The following VPS13C variants were observed in gnomAD, a reference collection of about 807,000 sequenced individuals.
VPS13C encodes the protein intermembrane lipid transfer protein VPS13C.
A neutral mutation model predicts 456.8 loss-of-function variants in VPS13C; 358 were observed. That is an observed-to-expected ratio of 0.78 (90% confidence interval 0.72 to 0.86). The LOEUF is 0.86. Ranked by LOEUF, VPS13C falls within the 40% of genes least tolerant of loss-of-function variation. VPS13C has a pLI of 0.00. For missense variants in VPS13C, 4,818 were observed against 4,385.4 expected, an observed-to-expected ratio of 1.10 and a Z score of -2.79; for synonymous variants, 1,578 against 1,486.7, an observed-to-expected ratio of 1.06 and a Z score of -1.41.
chr15:61,940,613 A>G, intron 47 of VPS13C, 34 bp downstream of exon 47: 3 of 1,584,308 alleles, frequency 1.9e-6, no homozygotes, highest in Admixed American at 1.8e-5. Flanking sequence ...AAGCCTATCA[A>G]GAAATTTTCA....
At chr15:61,866,841 A>T in intron 81 of VPS13C, 1 of 974,710 alleles carries the variant, frequency 1.0e-6, no homozygotes, top group African/African-American at 1.8e-5. Flanking sequence ...ACATAATCCA[A>T]CTGAACAATT....
chr15:61,896,287 A>C (rs913246847), intron 66 of VPS13C, among the ~76,000 whole-genome samples: 5 of 152,230 alleles, frequency 3.3e-5, no homozygotes, highest in African/African-American at 1.2e-4. Context: ...TCTACAGCTC[A>C]CAGCGTGAGC....
At chr15:62,033,208 T>C (rs1470587284) in intron 5 of VPS13C, among the ~76,000 whole-genome samples, 1 of 151,372 alleles carries the variant, frequency 6.6e-6, no homozygotes, top group Non-Finnish European at 1.5e-5. Flanking sequence ...AAATGACTAA[T>C]TAAGAAAAGT....
At chr15:61,883,859 A>T (rs1161108165) in intron 68 of VPS13C, among the ~76,000 whole-genome samples, 1 of 152,018 alleles carries the variant, frequency 6.6e-6, no homozygotes, top group Non-Finnish European at 1.5e-5. Context: ...TTGTAAATAA[A>T]ATTATAAAAA....
At chr15:61,956,255 C>T (rs1266591709) in intron 37 of VPS13C, among the ~76,000 whole-genome samples, 5 of 150,176 alleles carry the variant, frequency 3.3e-5, no homozygotes, top group South Asian at 2.1e-4. Flanking sequence ...TGTTCTCACT[C>T]GTAAGTGGGA....
At chr15:61,991,530 T>C in intron 17 of VPS13C, 143 bp downstream of exon 17, 1 of 799,168 alleles carries the variant, frequency 1.3e-6, no homozygotes, top group Non-Finnish European at 1.8e-6. Context: ...TATTCCAGCC[T>C]GATGTATTTG....
intron 79 of VPS13C, among the ~76,000 whole-genome samples, chr15:61,871,447 A>G (rs1262802702): frequency 6.6e-6 from 1 of 152,164 alleles, no homozygotes; most frequent in Non-Finnish European, 1.5e-5. Flanking sequence ...ATTTCTGAAT[A>G]GTATCCCACT....
At chr15:62,051,710 G>A (rs370754962) in intron 1 of VPS13C, among the ~76,000 whole-genome samples, 1 of 152,118 alleles carries the variant, frequency 6.6e-6, no homozygotes, top group African/African-American at 2.4e-5. Context: ...AAACAAAAAG[G>A]ATAACTAAAA....
At chr15:61,911,732 C>T (rs545467240) in intron 63 of VPS13C, 108 bp downstream of exon 63, 1 of 1,102,100 alleles carries the variant, frequency 9.1e-7, no homozygotes, top group South Asian at 3.0e-5. Context: ...TGTCATATTT[C>T]AACACATAAA....
chr15:61,933,804 T>C (rs1164705191), intron 49 of VPS13C, among the ~76,000 whole-genome samples: 1 of 152,188 alleles, frequency 6.6e-6, no homozygotes, highest in Non-Finnish European at 1.5e-5. Context: ...AATGCTTATA[T>C]ACCAAGGATA....
Position 61,867,428 on chromosome 15 carries a change from T to G in VPS13C, c.10863+1231A>C, listed in dbSNP as rs985651881. The G allele has an allele frequency of 9.1e-6, 9 of 986,368 alleles. No individual in the cohort carries two copies. The highest frequency in any genetic ancestry group is 1.1e-5 in the Non-Finnish European group (9 of 830,650). The allele number at this position is 986,368 out of a possible 1,614,324, so 61.1% of individuals were successfully genotyped here. A position where few individuals can be genotyped will look rare whatever the true frequency, so the allele number is the denominator to read the frequency against. On this transcript the variant is annotated intron_variant, in intron 81 of 84. Transcript: ENST00000644861. The surrounding 1 kb of genome is among the most constrained non-coding windows in gnomAD (Gnocchi z 5.0). ...AGGGCAGGCTCAGAGCAACTGACAATTCAATTATTAAAGCAGATGCTCCAG... is the reference window on the plus strand; with the variant it reads ...AGGGCAGGCTCAGAGCAACTGACAAGTCAATTATTAAAGCAGATGCTCCAG...
intron 79 of VPS13C, among the ~76,000 whole-genome samples, chr15:61,870,659 C>G (rs886519710): frequency 2.6e-5 from 4 of 152,154 alleles, no homozygotes; most frequent in Non-Finnish European, 4.4e-5. Flanking sequence ...AGTAGAATTG[C>G]TGGGACACAT....
Position 62,040,385 on chromosome 15 carries a change from A to G in VPS13C, c.187+939T>C, listed in dbSNP as rs28462212. On this transcript the variant is annotated intron_variant, in intron 3 of 84. Coordinates refer to ENST00000644861, the MANE Select transcript of VPS13C (RefSeq NM_020821.3). Reference sequence around the variant, plus strand: ...TTTGTAACACAAAGAAAGGATAAATACTTTGAGGTGATAGAAACCTCATTT... The same window carrying G: ...TTTGTAACACAAAGAAAGGATAAATGCTTTGAGGTGATAGAAACCTCATTT... 1.7e-3 allele frequency among the ~76,000 whole-genome samples: 262 copies of G among 152,308 alleles called. 1 individual carries two copies. Among genetic ancestry groups the G allele is most frequent in the African/African-American group, 6.0e-3 (250 of 41,586 alleles).
At chr15:61,930,478 G>A (rs1159755422) in intron 50 of VPS13C, among the ~76,000 whole-genome samples, 2 of 152,040 alleles carry the variant, frequency 1.3e-5, no homozygotes, top group Non-Finnish European at 2.9e-5. Context: ...CAAGTTTAAG[G>A]AGCAACACAG....
chr15:62,038,223 A>G (rs1364364943), intron 3 of VPS13C, among the ~76,000 whole-genome samples: 1 of 152,194 alleles, frequency 6.6e-6, no homozygotes, highest in Non-Finnish European at 1.5e-5. Flanking sequence ...ACATCAGCCT[A>G]GGCAAAGAAT....
rs1241296006 is a variant in VPS13C, at chr15:61,941,973, G to A, written c.5243C>T (p.Ala1748Val). 2 of 1,613,902 alleles carry A rather than the reference G, an allele frequency of 1.2e-6. No individual in the cohort carries two copies. Among genetic ancestry groups the A allele is most frequent in the Non-Finnish European group, 1.7e-6 (2 of 1,179,926 alleles). The change falls in exon 46 of 85, where the codon GCT (alanine) becomes GTT (valine). Residue 1748 changes from alanine to valine, a missense_variant. Physicochemically the swap from Ala to Val is moderately conservative, Grantham distance 64. This residue lies in a region of VPS13C where 4,552 missense variants were observed against 4,130.6 expected (regional missense o/e 1.10). Coordinates refer to ENST00000644861, the MANE Select transcript of VPS13C (RefSeq NM_020821.3). ...ERAASSMKDLAQKSFRLLMDI... is the reference protein window; with the variant it reads ...ERAASSMKDLVQKSFRLLMDI... Reference sequence around the variant, plus strand: ...CATCAAAAGGCGGAAACTCTTTTGAGCCAAGTCTTTCATGCTGGAAGCAGC... The same window carrying A: ...CATCAAAAGGCGGAAACTCTTTTGAACCAAGTCTTTCATGCTGGAAGCAGC...
At chr15:62,032,130 A>T (rs973184179) in intron 5 of VPS13C, among the ~76,000 whole-genome samples, 2 of 151,858 alleles carry the variant, frequency 1.3e-5, no homozygotes, top group African/African-American at 4.8e-5. Context: ...TGATGAATAT[A>T]CATATGTTAA....
Position 61,947,214 on chromosome 15 carries a change from T to C in VPS13C, c.4855A>G (p.Ile1619Val), listed in dbSNP as rs775748051. 4 of 1,596,982 alleles carry C rather than the reference T, an allele frequency of 2.5e-6. No individual in the cohort carries two copies. The highest frequency in any genetic ancestry group is 1.8e-5 in the Admixed American group (1 of 56,978). Residue 1619 changes from isoleucine to valine, a missense_variant, in exon 43 of 85, where the codon ATT (isoleucine) becomes GTT (valine). Physicochemically the swap from Ile to Val is conservative, Grantham distance 29. Around this residue, in one of 3 missense-constraint regions of VPS13C, gnomAD observed 4,552 missense variants for 4,130.6 expected, o/e 1.10. Transcript: ENST00000644861. Reference sequence around the variant, plus strand: ...TTACCATGTATTTTAATATCTGCAATGTTACACTTCTGATCACAGACAAAG... The same window carrying C: ...TTACCATGTATTTTAATATCTGCAACGTTACACTTCTGATCACAGACAAAG... ...NVFVCDQKCNIADIKIHGMDA... is the reference protein window; with the variant it reads ...NVFVCDQKCNVADIKIHGMDA...
chr15:62,009,619 A>T (rs2046975248), intron 13 of VPS13C, among the ~76,000 whole-genome samples: 1 of 152,170 alleles, frequency 6.6e-6, no homozygotes, highest in African/African-American at 2.4e-5. Flanking sequence ...TTCTTTTTAC[A>T]TTGTTAACAC....
Sources: allele counts gnomAD v4.1 joint callset (sites outside exome capture counted in the v4.1 genomes callset), GRCh38; gene constraint gnomAD v4.1.1; regional missense constraint gnomAD v4.1.1; non-coding constraint Gnocchi (gnomAD v3.1); transcripts MANE v1.5; gene names NCBI Gene and HGNC (gene_info 2026-07-23, HGNC 2026-07-21).